ARL15: variants seen among roughly 807,000 people sequenced by gnomAD.
ARL15 encodes ADP-ribosylation factor-like protein 15.
ARL15 carries 19 observed loss-of-function variants against 25.2 expected under a neutral mutation model. That is an observed-to-expected ratio of 0.75 (90% CI 0.53 to 1.10). ARL15 has a LOEUF of 1.10. Among genes scored for constraint, ARL15 ranks in the 50% least tolerant of loss-of-function variants. The pLI is 0.00. For missense variants in ARL15, 220 were observed against 246.0 expected, an observed-to-expected ratio of 0.89 and a Z score of 0.71; for synonymous variants, 94 against 86.8, an observed-to-expected ratio of 1.08 and a Z score of -0.46.
At chr5:53,954,095 TAA>T (rs11325411) in intron 4 of ARL15, among the ~76,000 whole-genome samples, 1,663 of 141,170 alleles carry the variant, frequency 0.012, 13 homozygotes, top group African/African-American at 0.03. Context: ...ATCTTCTACT[TAA>T]AAAAAAAAAA....
chr5:54,120,393 C>T (rs551970843), intron 3 of ARL15, among the ~76,000 whole-genome samples: 4 of 152,314 alleles, frequency 2.6e-5, no homozygotes, highest in African/African-American at 7.2e-5. Flanking sequence ...TAATACAGCA[C>T]GTGCTAAGCA....
intron 4 of ARL15, among the ~76,000 whole-genome samples, chr5:54,019,323 T>A (rs115301558): frequency 0.016 from 2,377 of 152,308 alleles, 36 homozygotes; most frequent in Middle Eastern, 0.024. Context: ...CCATTTGCTT[T>A]GAGATAAGGC....
intron 4 of ARL15, among the ~76,000 whole-genome samples, chr5:53,905,846 T>C (rs897798385): frequency 6.6e-6 from 1 of 152,236 alleles, no homozygotes; most frequent in Non-Finnish European, 1.5e-5. Context: ...AAATGATACA[T>C]GTAAATGGCA....
At chr5:54,083,948 C>T (rs529924467) in intron 4 of ARL15, among the ~76,000 whole-genome samples, 6 of 152,188 alleles carry the variant, frequency 3.9e-5, no homozygotes, top group African/African-American at 1.2e-4. Flanking sequence ...ATTAATCATA[C>T]AGAAAAGAAG....
At chr5:54,257,548 A>G (rs1356945035) in intron 1 of ARL15, among the ~76,000 whole-genome samples, 1 of 152,242 alleles carries the variant, frequency 6.6e-6, no homozygotes, top group Non-Finnish European at 1.5e-5. Flanking sequence ...CTGAGGTGCT[A>G]TGAATCAGGA....
chr5:54,234,466 C>T (rs1396094132), intron 1 of ARL15, among the ~76,000 whole-genome samples: 1 of 152,168 alleles, frequency 6.6e-6, no homozygotes, highest in Non-Finnish European at 1.5e-5. Flanking sequence ...TTGAACACTA[C>T]AGATCCCATC....
chr5:53,966,388 G>GT (rs1747566828), intron 4 of ARL15, among the ~76,000 whole-genome samples: 1 of 152,160 alleles, frequency 6.6e-6, no homozygotes, highest in Admixed American at 6.5e-5. Flanking sequence ...CCTTTGTAAT[G>GT]TCCTTCATAA....
intron 4 of ARL15, among the ~76,000 whole-genome samples, chr5:54,101,428 C>T (rs1474859353): frequency 6.6e-6 from 1 of 151,928 alleles, no homozygotes; most frequent in African/African-American, 2.4e-5. Flanking sequence ...ATGTCTAGGA[C>T]CTAAAAGTCA....
chr5:54,172,040 C>A, intron 1 of ARL15, 112 bp from the exon 2 acceptor site: 1 of 1,292,230 alleles, frequency 7.7e-7, no homozygotes, highest in Non-Finnish European at 1.0e-6. Context: ...TAAAGTATTA[C>A]CTATAAGGAA....
chr5:54,221,991 T>C (rs1756392990), intron 1 of ARL15, among the ~76,000 whole-genome samples: 1 of 152,294 alleles, frequency 6.6e-6, no homozygotes, highest in African/African-American at 2.4e-5. Flanking sequence ...GAAATACTCT[T>C]CCTGTGCCAA....
intron 4 of ARL15, among the ~76,000 whole-genome samples, chr5:54,073,767 G>A (rs551463214): frequency 1.3e-5 from 2 of 152,316 alleles, no homozygotes; most frequent in South Asian, 2.1e-4. Context: ...CAAGAGACAC[G>A]AAGGTGGCTC....
intron 1 of ARL15, among the ~76,000 whole-genome samples, chr5:54,227,767 A>C (rs1756566618): frequency 6.6e-6 from 1 of 152,252 alleles, no homozygotes; most frequent in Non-Finnish European, 1.5e-5. Context: ...ACATTGAACA[A>C]TTGTCAGTGT....
At chr5:54,107,119 G>A (rs1752610966) in intron 4 of ARL15, among the ~76,000 whole-genome samples, 1 of 152,122 alleles carries the variant, frequency 6.6e-6, no homozygotes, top group Non-Finnish European at 1.5e-5. Flanking sequence ...GGTGGCAAGA[G>A]AAAAATGAAG....
chr5:54,239,063 T>C (rs1756884826), intron 1 of ARL15, among the ~76,000 whole-genome samples: 2 of 152,194 alleles, frequency 1.3e-5, no homozygotes, highest in South Asian at 2.1e-4. Context: ...CCTCTGACTC[T>C]ACAATCAAAG....
intron 1 of ARL15, among the ~76,000 whole-genome samples, chr5:54,200,309 GAGAA>G (rs983199999): frequency 2.0e-5 from 3 of 146,570 alleles, no homozygotes; most frequent in African/African-American, 7.5e-5. Flanking sequence ...ATTAAAAAAA[GAGAA>G]AAAAAAGAAA....
rs539026321 is a variant in ARL15 at position 54,232,089 on chromosome 5, T to C, written c.49-60161A>G. Among the ~76,000 whole-genome samples, 22 of 152,324 alleles carry C rather than the reference T, an allele frequency of 1.4e-4. No homozygotes were observed. The South Asian group carries it at 4.6e-3, about 32-fold the overall frequency. On this transcript the variant is annotated intron_variant, in intron 1 of 4. Coordinates refer to ENST00000504924, the MANE Select transcript of ARL15 (RefSeq NM_019087.3). The stretch of plus-strand genomic sequence containing the variant: ...CCTCTCCTTTTCCTTAGGCTCCCTA[T>C]ACCTTTTGCTTAACTAACCCCTCAC...
chr5:54,034,832 CT>C (rs11374687), intron 4 of ARL15, among the ~76,000 whole-genome samples: 215 of 145,120 alleles, frequency 1.5e-3, no homozygotes, highest in Middle Eastern at 3.5e-3. Context: ...AGCTAAATAA[CT>C]TTTTTTTTTT....
intron 4 of ARL15, among the ~76,000 whole-genome samples, chr5:53,956,331 G>A (rs1747153836): frequency 6.6e-6 from 1 of 151,570 alleles, no homozygotes; most frequent in Non-Finnish European, 1.5e-5. Context: ...CTGAAGAAAA[G>A]AAAGACTGAT....
At chr5:53,991,913 T>C (rs1246872452) in intron 4 of ARL15, among the ~76,000 whole-genome samples, 1 of 152,220 alleles carries the variant, frequency 6.6e-6, no homozygotes, top group Non-Finnish European at 1.5e-5. Flanking sequence ...ATAATACTTA[T>C]AAATTGAAAG....
Sources: allele counts gnomAD v4.1 joint callset (sites outside exome capture counted in the v4.1 genomes callset), GRCh38; gene constraint gnomAD v4.1.1; transcripts MANE v1.5; gene names NCBI Gene and HGNC (gene_info 2026-07-23, HGNC 2026-07-21).